Variants in FGF12 observed in about 807,000 individuals in gnomAD.
FGF12 encodes the protein fibroblast growth factor 12B.
Under a neutral mutation model 23.6 loss-of-function variants are expected in FGF12, and 14 were observed. That is an observed-to-expected ratio of 0.59 (90% CI 0.39 to 0.93). FGF12 has a LOEUF of 0.93. FGF12 is among the 40% of genes least tolerant of loss of function. FGF12 has a pLI of 0.00. For synonymous variants in FGF12, 62 were observed against 77.3 expected, an observed-to-expected ratio of 0.80 and a Z score of 1.04; for missense variants, 175 against 217.8, an observed-to-expected ratio of 0.80 and a Z score of 1.24.
At chr3:192,609,893 T>C (rs1714487940) in intron 2 of FGF12, among the ~76,000 whole-genome samples, 1 of 152,114 alleles carries the variant, frequency 6.6e-6, no homozygotes, top group Non-Finnish European at 1.5e-5. Flanking sequence ...TGTCAGACCA[T>C]GTCAGCTAAA....
chr3:192,463,686 T>A (rs993167854), intron 2 of FGF12, among the ~76,000 whole-genome samples: 3 of 152,142 alleles, frequency 2.0e-5, no homozygotes, highest in African/African-American at 2.4e-5. Flanking sequence ...CTTTCGGAAC[T>A]CTGCTTCCAG....
rs546060005 is a variant in FGF12 at position 192,371,966 on chromosome 3, G to A, written c.14-11428C>T. 1.9e-4 allele frequency among the ~76,000 whole-genome samples: 29 copies of A among 152,196 alleles called. 1 individual carries two copies. The South Asian group carries it at 5.8e-3, about 30-fold the overall frequency. The stretch of plus-strand genomic sequence containing the variant: ...CCTGTGGAAATCTATAAAGCCAGGG[G>A]CCAGGAATAAAAAGCAAACACTAAA... On this transcript the variant is annotated intron_variant, in intron 2 of 5. Transcript: ENST00000445105.
At chr3:192,579,256 A>G (rs111239202) in intron 2 of FGF12, among the ~76,000 whole-genome samples, 29 of 152,294 alleles carry the variant, frequency 1.9e-4, no homozygotes, top group African/African-American at 7.0e-4. Context: ...AAGAAAATTA[A>G]GATCTCTATC....
chr3:192,216,217 T>C (rs1718185766), intron 4 of FGF12, among the ~76,000 whole-genome samples: 2 of 152,216 alleles, frequency 1.3e-5, no homozygotes, highest in South Asian at 4.1e-4. Context: ...CTATTTCTTT[T>C]ATTTTTTCTC....
chr3:192,727,324 C>G lies in FGF12; in HGVS notation c.-130-1G>C. The G allele has an allele frequency of 6.5e-7, 1 of 1,548,522 alleles. No homozygotes were observed. Among genetic ancestry groups the G allele is most frequent in the Non-Finnish European group, 8.7e-7 (1 of 1,145,642 alleles). On this transcript the variant is annotated splice_acceptor_variant, in intron 1 of 5. Transcript: ENST00000445105. LOFTEE classifies it low-confidence loss of function (5UTR_SPLICE). ...ACTTCCTTCCTTCCCCTCAGGCTTC[C>G]TGAAAGATGGGATTTCTTAAACCTT...
At chr3:192,448,223 T>A (rs552484474) in intron 2 of FGF12, among the ~76,000 whole-genome samples, 1 of 152,342 alleles carries the variant, frequency 6.6e-6, no homozygotes, top group Non-Finnish European at 1.5e-5. Context: ...AGTCTAGTCA[T>A]ACTGTTAGCA....
At chr3:192,690,470 A>T (rs1308213098) in intron 2 of FGF12, among the ~76,000 whole-genome samples, 1 of 151,944 alleles carries the variant, frequency 6.6e-6, no homozygotes, top group African/African-American at 2.4e-5. Context: ...GTATCAGCTT[A>T]AAGTAGACAT....
chr3:192,567,793 C>CTTTCTT (rs1553831695), intron 2 of FGF12, among the ~76,000 whole-genome samples: 3 of 129,646 alleles, frequency 2.3e-5, no homozygotes, highest in Non-Finnish European at 5.1e-5. Context: ...TTCTTTCTTT[C>CTTTCTT]TTTCTTTCTC....
intron 4 of FGF12, among the ~76,000 whole-genome samples, chr3:192,328,642 T>A (rs1577357733): frequency 2.6e-5 from 4 of 152,198 alleles, no homozygotes; most frequent in African/African-American, 9.7e-5. Flanking sequence ...TGAGTCCTTC[T>A]GGAAAGTTAT....
intron 4 of FGF12, among the ~76,000 whole-genome samples, chr3:192,260,495 G>C (rs2108616695): frequency 6.6e-6 from 1 of 152,254 alleles, no homozygotes; most frequent in South Asian, 2.1e-4. Context: ...TTTCACTGTA[G>C]AATCAACCCA....
chr3:192,727,460 A>G, intron 1 of FGF12, 24 bp downstream of exon 1: 1 of 821,874 alleles, frequency 1.2e-6, no homozygotes, highest in Non-Finnish European at 1.8e-6. Flanking sequence ...GTGCCCGCTC[A>G]GATTTTTTTT....
chr3:192,165,046 G>A (rs1715085575), intron 5 of FGF12, among the ~76,000 whole-genome samples: 1 of 151,932 alleles, frequency 6.6e-6, no homozygotes, highest in Non-Finnish European at 1.5e-5. Flanking sequence ...CCGACTCCCT[G>A]GGTTGAAAGT....
At chr3:192,593,315 C>T (rs1162410382) in intron 2 of FGF12, among the ~76,000 whole-genome samples, 4 of 151,804 alleles carry the variant, frequency 2.6e-5, no homozygotes, top group Non-Finnish European at 5.9e-5. Context: ...CATGCACCTG[C>T]GTGACCCTCT....
intron 2 of FGF12, among the ~76,000 whole-genome samples, chr3:192,400,066 T>C (rs1720693518): frequency 6.6e-6 from 1 of 152,206 alleles, no homozygotes; most frequent in South Asian, 2.1e-4. Context: ...TTTCCATCCA[T>C]GGTTGGTGAA....
At chr3:192,559,891 A>G (rs1171530532) in intron 2 of FGF12, among the ~76,000 whole-genome samples, 5 of 152,248 alleles carry the variant, frequency 3.3e-5, no homozygotes, top group Admixed American at 3.3e-4. Flanking sequence ...TATCTCAACC[A>G]TTTTAACCTA....
Position 192,170,662 on chromosome 3 carries a change from GGAA to G in FGF12, c.229-9_229-7del. The G allele has an allele frequency of 7.0e-7, 1 of 1,436,692 alleles. No homozygotes were observed. Among genetic ancestry groups the G allele is most frequent in the Non-Finnish European group, 9.1e-7 (1 of 1,097,472 alleles). 89.0% of individuals were successfully genotyped at this position (1,436,692 alleles called of 1,614,324 possible). A position where few individuals can be genotyped will look rare whatever the true frequency, so the allele number is the denominator to read the frequency against. ...CATTCTGGAGTGAAAACATCCTGTAGGAAAAAAAAAAAAAGACACAAAAAAGAG... is the reference window on the plus strand; with the variant it reads ...CATTCTGGAGTGAAAACATCCTGTAGAAAAAAAAAAAGACACAAAAAAGAG... On this transcript the variant is annotated splice_region_variant and splice_polypyrimidine_tract_variant and intron_variant, in intron 4 of 5. Transcript: ENST00000445105.
chr3:192,371,926 G>T (rs1160047372), intron 2 of FGF12, among the ~76,000 whole-genome samples: 1 of 152,092 alleles, frequency 6.6e-6, no homozygotes, highest in East Asian at 1.9e-4. Flanking sequence ...CTTTAACTGT[G>T]ATCAGCCCAC....
chr3:192,182,260 T>C (rs999997799), intron 4 of FGF12, among the ~76,000 whole-genome samples: 2 of 151,296 alleles, frequency 1.3e-5, no homozygotes, highest in Non-Finnish European at 2.9e-5. Context: ...TTTTTTTTTT[T>C]CTACATGTAT....
intron 4 of FGF12, among the ~76,000 whole-genome samples, chr3:192,201,567 T>C (rs973972572): frequency 2.6e-5 from 4 of 152,160 alleles, no homozygotes; most frequent in Admixed American, 2.6e-4. Flanking sequence ...AGGCCACACA[T>C]CTTGTAACCC....
Sources: gnomAD v4.1 joint callset for allele counts (sites outside exome capture counted in the v4.1 genomes callset) on GRCh38, gnomAD v4.1.1 for gene constraint, MANE v1.5 for transcripts, NCBI Gene and HGNC (gene_info 2026-07-23, HGNC 2026-07-21) for gene names.